Variants in ALK observed in about 807,000 individuals in gnomAD.
ALK encodes the protein ALK receptor tyrosine kinase.
Under a neutral mutation model 163.1 loss-of-function variants are expected in ALK, and 74 were observed. The observed-to-expected ratio is 0.45, with a 90% CI of 0.38 to 0.55. The LOEUF is 0.55. ALK is among the 20% of genes least tolerant of loss of function. The pLI is 0.00. For synonymous variants in ALK, 960 were observed against 843.2 expected (o/e 1.14, Z -2.40); for missense variants, 2,063 against 2,105.3 (o/e 0.98, Z 0.39).
chr2:29,797,717 T>G (rs1664354814), intron 1 of ALK, among the ~76,000 whole-genome samples: 1 of 152,194 alleles, frequency 6.6e-6, no homozygotes, highest in Non-Finnish European at 1.5e-5. Context: ...TCTCCTTAAA[T>G]CAGGGACTCT....
At chr2:29,853,747 T>C (rs1666065259) in intron 1 of ALK, among the ~76,000 whole-genome samples, 1 of 152,164 alleles carries the variant, frequency 6.6e-6, no homozygotes. Flanking sequence ...CAGCCCTTGC[T>C]GGGCTCCCCA....
At chr2:29,653,559 C>A (rs1677094296) in intron 3 of ALK, among the ~76,000 whole-genome samples, 1 of 152,086 alleles carries the variant, frequency 6.6e-6, no homozygotes, top group Non-Finnish European at 1.5e-5. Context: ...AGGGTCATGG[C>A]AATAAGTACT....
At chr2:29,520,334 C>T (rs1672779393) in intron 4 of ALK, among the ~76,000 whole-genome samples, 1 of 152,196 alleles carries the variant, frequency 6.6e-6, no homozygotes, top group South Asian at 2.1e-4. Context: ...AACCATGTCG[C>T]AAGTTTTCAA....
At chr2:29,857,376 T>C (rs1330422897) in intron 1 of ALK, among the ~76,000 whole-genome samples, 1 of 152,028 alleles carries the variant, frequency 6.6e-6, no homozygotes, top group African/African-American at 2.4e-5. Flanking sequence ...CCAGTTAATA[T>C]GTTTCAGTGG....
intron 3 of ALK, among the ~76,000 whole-genome samples, chr2:29,557,547 T>C (rs1673897071): frequency 6.6e-6 from 1 of 152,050 alleles, no homozygotes. Context: ...AACTAACAAA[T>C]GGGCATGAGA....
intron 1 of ALK, among the ~76,000 whole-genome samples, chr2:29,739,130 T>C (rs1679975734): frequency 6.7e-6 from 1 of 150,176 alleles, no homozygotes; most frequent in Non-Finnish European, 1.5e-5. Flanking sequence ...TTCTAGCTTC[T>C]CAGGAGCCTG....
intron 4 of ALK, among the ~76,000 whole-genome samples, chr2:29,453,429 T>C (rs111235136): frequency 0.016 from 2,508 of 152,162 alleles, 28 homozygotes; most frequent in Middle Eastern, 0.071. Flanking sequence ...AGAGACGAGT[T>C]CTCACTATGT....
At chr2:29,701,179 A>G (rs1172820006) in intron 2 of ALK, among the ~76,000 whole-genome samples, 1 of 152,208 alleles carries the variant, frequency 6.6e-6, no homozygotes, top group African/African-American at 2.4e-5. Flanking sequence ...TTGTATCCAG[A>G]CTGACCTCAG....
intron 4 of ALK, among the ~76,000 whole-genome samples, chr2:29,405,363 C>A (rs1408772661): frequency 2.0e-5 from 3 of 152,166 alleles, no homozygotes; most frequent in Non-Finnish European, 4.4e-5. Flanking sequence ...TTGGTGGAAA[C>A]TCAGATGTTT....
At chr2:29,435,745 T>C (rs550353972) in intron 4 of ALK, among the ~76,000 whole-genome samples, 8 of 152,134 alleles carry the variant, frequency 5.3e-5, no homozygotes, top group Non-Finnish European at 1.2e-4. Context: ...AGCAGCCAGC[T>C]AGACAGACCT....
intron 2 of ALK, among the ~76,000 whole-genome samples, chr2:29,697,847 G>A (rs1678618156): frequency 1.3e-5 from 2 of 152,208 alleles, no homozygotes; most frequent in South Asian, 2.1e-4. Context: ...TCAGAATACA[G>A]TGGGGGCAGA....
chr2:29,668,317 A>G (rs1177813202), intron 3 of ALK, among the ~76,000 whole-genome samples: 1 of 150,422 alleles, frequency 6.6e-6, no homozygotes. Flanking sequence ...TGGGGGTTTG[A>G]TTTATTCTTG....
chr2:29,834,101 C>T (rs1229026439), intron 1 of ALK, among the ~76,000 whole-genome samples: 4 of 152,164 alleles, frequency 2.6e-5, no homozygotes, highest in African/African-American at 4.8e-5. Context: ...CATCCTAAGA[C>T]ATAAGTCAGG....
At chr2:29,544,832 A>G (rs760096743) in intron 3 of ALK, among the ~76,000 whole-genome samples, 13 of 152,092 alleles carry the variant, frequency 8.5e-5, no homozygotes, top group Non-Finnish European at 1.9e-4. Flanking sequence ...AGAATGTCGT[A>G]ACTAGACATA....
In ALK at chr2:29,220,758, A is replaced by G. The variant is rs766238529; in HGVS notation, c.3593T>C (p.Leu1198Pro). 6.2e-7 allele frequency: 1 copy of G among 1,613,954 alleles called. No homozygotes were observed. Reference sequence around the variant, plus strand: ...GGACTTGAGGTCTCCCCCCGCCATGAGCTCCAGCAGGATGAACCGGGGCAG... The same window carrying G: ...GGACTTGAGGTCTCCCCCCGCCATGGGCTCCAGCAGGATGAACCGGGGCAG... ...QSLPRFILLE[L>P]MAGGDLKSFL... Residue 1198 changes from leucine (L) to proline (P), a missense_variant, in exon 23 of 29, where the codon CTC becomes CCC. Leu to Pro is a moderately conservative substitution (Grantham distance 98). Around this residue, in one of 5 missense-constraint regions of ALK, gnomAD observed 575 missense variants for 626.6 expected, o/e 0.92. Coordinates refer to ENST00000389048, the MANE Select transcript of ALK (RefSeq NM_004304.5).
intron 4 of ALK, among the ~76,000 whole-genome samples, chr2:29,384,259 T>C (rs766056876): frequency 8.5e-5 from 13 of 152,192 alleles, no homozygotes; most frequent in Admixed American, 1.3e-4. Flanking sequence ...CAAAATTATC[T>C]CTAGAAAGAA....
At chr2:29,279,190 C>T (rs1026150975) in intron 9 of ALK, among the ~76,000 whole-genome samples, 4 of 152,160 alleles carry the variant, frequency 2.6e-5, no homozygotes, top group Non-Finnish European at 5.9e-5. Context: ...AAGTGCTCTG[C>T]GCGGCGACAG....
intron 1 of ALK, among the ~76,000 whole-genome samples, chr2:29,798,839 A>C (rs1038276376): frequency 6.6e-6 from 1 of 152,010 alleles, no homozygotes; most frequent in Admixed American, 6.6e-5. Flanking sequence ...TTCCTGGGGG[A>C]AAAAAAAGAG....
At chr2:29,468,788 A>G (rs1671275025) in intron 4 of ALK, among the ~76,000 whole-genome samples, 1 of 130,232 alleles carries the variant, frequency 7.7e-6, no homozygotes, top group Non-Finnish European at 1.6e-5. Context: ...TGGGAGGTTG[A>G]GGCTGCAGTA....
Sources: allele counts gnomAD v4.1 joint callset (sites outside exome capture counted in the v4.1 genomes callset), GRCh38; gene constraint gnomAD v4.1.1; regional missense constraint gnomAD v4.1.1; transcripts MANE v1.5; gene names NCBI Gene and HGNC (gene_info 2026-07-23, HGNC 2026-07-21).